The following EPHA4 variants were observed in gnomAD, a reference collection of about 807,000 sequenced individuals.
The protein encoded by EPHA4 is EPH receptor A4.
EPHA4 carries 19 observed loss-of-function variants against 108.3 expected under a neutral mutation model. That is an observed-to-expected ratio of 0.18 (90% CI 0.12 to 0.26). EPHA4 has a LOEUF of 0.26. EPHA4 is among the 10% of genes least tolerant of loss of function. The pLI is 1.00. For synonymous variants in EPHA4, 449 were observed against 455.5 expected, an observed-to-expected ratio of 0.99 and a Z score of 0.18; for missense variants, 917 against 1,254.0, an observed-to-expected ratio of 0.73 and a Z score of 4.06.
At chr2:221,455,982 T>C (rs1416539030) in intron 7 of EPHA4, among the ~76,000 whole-genome samples, 1 of 152,206 alleles carries the variant, frequency 6.6e-6, no homozygotes, top group Non-Finnish European at 1.5e-5. Context: ...CAAAATTTCT[T>C]TCTTGAAGTC....
At chr2:221,526,692 C>CA (rs1474436225) in intron 3 of EPHA4, among the ~76,000 whole-genome samples, 2 of 151,598 alleles carry the variant, frequency 1.3e-5, no homozygotes, top group African/African-American at 2.4e-5. Context: ...ACTAGAAATA[C>CA]AAAAATTAGC....
At chr2:221,552,743 A>T (rs1042645891) in intron 3 of EPHA4, among the ~76,000 whole-genome samples, 2 of 152,202 alleles carry the variant, frequency 1.3e-5, no homozygotes, top group African/African-American at 2.4e-5. Flanking sequence ...CACAAACAGG[A>T]TAGCTAATAT....
rs997305423 is a variant in EPHA4 at position 221,512,680 on chromosome 2, G to C, written c.824-11508C>G. Among the ~76,000 whole-genome samples the C allele has an allele frequency of 3.9e-5, 6 of 152,120 alleles. No individual in the cohort carries two copies. In the South Asian group the frequency reaches 1.0e-3, roughly 26 times the overall value. ...ACTAGCCCGTCTGAATTTAATACACGGGTCTATGCAGATTAGCGTCATTAT... is the reference window on the plus strand; with the variant it reads ...ACTAGCCCGTCTGAATTTAATACACCGGTCTATGCAGATTAGCGTCATTAT... On this transcript the variant is annotated intron_variant, in intron 3 of 17. Coordinates refer to ENST00000281821, the MANE Select transcript of EPHA4 (RefSeq NM_004438.5).
intron 5 of EPHA4, among the ~76,000 whole-genome samples, chr2:221,469,792 A>T (rs1005269240): frequency 6.6e-6 from 1 of 152,196 alleles, no homozygotes; most frequent in Non-Finnish European, 1.5e-5. Flanking sequence ...CCATTCAAGG[A>T]GGTGACCTAA....
At chr2:221,557,817 A>C (rs1006627192) in intron 3 of EPHA4, among the ~76,000 whole-genome samples, 37 of 152,358 alleles carry the variant, frequency 2.4e-4, no homozygotes, top group South Asian at 1.0e-3. Flanking sequence ...CGATGTTACT[A>C]CTTTGGTTAT....
intron 4 of EPHA4, among the ~76,000 whole-genome samples, chr2:221,500,471 C>T (rs543382955): frequency 7.9e-5 from 12 of 152,332 alleles, no homozygotes; most frequent in Middle Eastern, 6.8e-3. Context: ...AGCTTCCCAG[C>T]CTCATCCATT....
At chr2:221,491,490 A>G (rs1197097828) in intron 4 of EPHA4, among the ~76,000 whole-genome samples, 1 of 152,230 alleles carries the variant, frequency 6.6e-6, no homozygotes, top group Non-Finnish European at 1.5e-5. Context: ...CCAAGGCTAA[A>G]CAACCCTGCT....
intron 3 of EPHA4, among the ~76,000 whole-genome samples, chr2:221,529,640 T>C (rs927008426): frequency 2.0e-5 from 3 of 152,238 alleles, no homozygotes; most frequent in African/African-American, 4.8e-5. Flanking sequence ...ATGTTATCTT[T>C]ACGCCTGGAC....
At chr2:221,460,076 G>A (rs531529206) in intron 5 of EPHA4, among the ~76,000 whole-genome samples, 1 of 152,216 alleles carries the variant, frequency 6.6e-6, no homozygotes, top group South Asian at 2.1e-4. Context: ...CATTTAAAGG[G>A]AATATGAACT....
chr2:221,547,128 A>G (rs1372450594), intron 3 of EPHA4, among the ~76,000 whole-genome samples: 1 of 152,198 alleles, frequency 6.6e-6, no homozygotes, highest in African/African-American at 2.4e-5. Context: ...TGCTTCTTCC[A>G]TCTTTTTTCC....
chr2:221,499,734 ATATATATATATATATATATATATTT>A (rs1692417562), intron 4 of EPHA4, among the ~76,000 whole-genome samples: 2 of 47,186 alleles, frequency 4.2e-5, no homozygotes, highest in African/African-American at 2.4e-4. Context: ...ATATATATAT[ATATATATATATATATATATATATTT>A]TTTTTTTTTT....
At chr2:221,559,673 TA>T (rs1694401784) in intron 3 of EPHA4, among the ~76,000 whole-genome samples, 1 of 152,224 alleles carries the variant, frequency 6.6e-6, no homozygotes, top group Admixed American at 6.5e-5. Context: ...ATTTCTTCAT[TA>T]GGGGTATGTC....
intron 8 of EPHA4, among the ~76,000 whole-genome samples, chr2:221,450,597 C>A (rs1367742857): frequency 1.3e-5 from 2 of 152,150 alleles, no homozygotes; most frequent in African/African-American, 4.8e-5. Context: ...AACTAACTCA[C>A]CATGTGACCT....
At chr2:221,485,583 T>C (rs955856445) in intron 4 of EPHA4, among the ~76,000 whole-genome samples, 1 of 152,142 alleles carries the variant, frequency 6.6e-6, no homozygotes, top group Non-Finnish European at 1.5e-5. Context: ...ATCCATCCAA[T>C]ATGACTATGA....
At chr2:221,542,615 A>C (rs1424528885) in intron 3 of EPHA4, among the ~76,000 whole-genome samples, 1 of 152,208 alleles carries the variant, frequency 6.6e-6, no homozygotes, top group Non-Finnish European at 1.5e-5. Flanking sequence ...ATATAAAAAC[A>C]ATCAGCCTCA....
chr2:221,449,441 G>A (rs1161887070), intron 8 of EPHA4, among the ~76,000 whole-genome samples: 1 of 152,226 alleles, frequency 6.6e-6, no homozygotes, highest in African/African-American at 2.4e-5. Flanking sequence ...TTACAGAGAT[G>A]TGGACAAGCT....
chr2:221,472,746 G>A (rs1156444484), intron 5 of EPHA4, among the ~76,000 whole-genome samples: 1 of 152,076 alleles, frequency 6.6e-6, no homozygotes, highest in Non-Finnish European at 1.5e-5. Flanking sequence ...GAATAGAATA[G>A]TAATAGAAAA....
intron 14 of EPHA4, among the ~76,000 whole-genome samples, chr2:221,431,305 A>G (rs112305747): frequency 9.8e-4 from 149 of 152,336 alleles, no homozygotes; most frequent in African/African-American, 3.3e-3. Context: ...AGCCATCCCA[A>G]TGACTTCACT....
chr2:221,562,631 A>C (rs919096299), intron 3 of EPHA4, among the ~76,000 whole-genome samples: 24 of 152,246 alleles, frequency 1.6e-4, no homozygotes, highest in African/African-American at 5.8e-4. Flanking sequence ...AGATGAGACC[A>C]GAATTACATT....
Sources: allele counts gnomAD v4.1 joint callset (sites outside exome capture counted in the v4.1 genomes callset), GRCh38; gene constraint gnomAD v4.1.1; transcripts MANE v1.5; gene names NCBI Gene and HGNC (gene_info 2026-07-23, HGNC 2026-07-21).